The following SEL1L2 variants were observed in gnomAD, a reference collection of about 807,000 sequenced individuals.
SEL1L2 encodes the protein protein sel-1 homolog 2.
In SEL1L2, 89 loss-of-function variants were observed where a neutral mutation model predicts 98.8. The ratio of observed to expected loss-of-function variants is 0.90; its 90% CI spans 0.76 to 1.07. The LOEUF is 1.07. Ranked by LOEUF, SEL1L2 falls within the 50% of genes least tolerant of loss-of-function variation. The pLI, the probability that SEL1L2 is intolerant of heterozygous loss-of-function variation, is 0.00. For synonymous variants in SEL1L2, 262 were observed against 278.5 expected (o/e 0.94, Z 0.59); for missense variants, 788 against 812.0 (o/e 0.97, Z 0.36).
Position 13,901,724 on chromosome 20 carries a change from C to T in SEL1L2, c.549+12058G>A, listed in dbSNP as rs867443306. 7.6e-4 allele frequency among the ~76,000 whole-genome samples: 115 copies of T among 150,994 alleles called. 1 individual carries two copies. Among genetic ancestry groups the T allele is most frequent in the African/African-American group, 2.7e-3 (112 of 41,056 alleles). On this transcript the variant is annotated intron_variant, in intron 5 of 19. Coordinates refer to ENST00000284951, the MANE Select transcript of SEL1L2 (RefSeq NM_025229.2). ...TCGCCCAGGCTGGAGTGCATTGGCACGATCTCAGCTCACTGCAAGCTCTGC... is the reference window on the plus strand; with the variant it reads ...TCGCCCAGGCTGGAGTGCATTGGCATGATCTCAGCTCACTGCAAGCTCTGC...
chr20:13,940,561 G>A (rs1454336236), intron 2 of SEL1L2, among the ~76,000 whole-genome samples: 2 of 152,192 alleles, frequency 1.3e-5, no homozygotes, highest in African/African-American at 4.8e-5. Flanking sequence ...TGCGATCCTA[G>A]GAGACAAGCT....
intron 5 of SEL1L2, among the ~76,000 whole-genome samples, chr20:13,908,103 C>CTTTTTT (rs71188195): frequency 7.5e-5 from 2 of 26,746 alleles, no homozygotes; most frequent in African/African-American, 3.2e-4. Context: ...TTTCTTGGTT[C>CTTTTTT]TTTTTTTTTT....
At chr20:13,937,176 C>G (rs1199985801) in intron 2 of SEL1L2, among the ~76,000 whole-genome samples, 1 of 152,234 alleles carries the variant, frequency 6.6e-6, no homozygotes. Context: ...CCCCAAGACT[C>G]CTCAGTATCA....
chr20:13,850,101 G>C, intron 19 of SEL1L2, 90 bp downstream of exon 19: 1 of 1,482,366 alleles, frequency 6.7e-7, no homozygotes, highest in South Asian at 1.2e-5. Flanking sequence ...CAGTCCACAA[G>C]AGACTCCCTG....
At chr20:13,908,564 A>T (rs1162801654) in intron 5 of SEL1L2, among the ~76,000 whole-genome samples, 1 of 152,238 alleles carries the variant, frequency 6.6e-6, no homozygotes, top group Admixed American at 6.5e-5. Flanking sequence ...TGGATGAGAA[A>T]TGAGAAATAG....
At chr20:13,976,295 C>T (rs935924877) in intron 1 of SEL1L2, among the ~76,000 whole-genome samples, 6 of 151,946 alleles carry the variant, frequency 3.9e-5, no homozygotes, top group East Asian at 3.9e-4. Context: ...CCACAGCACC[C>T]GGACTGTTTT....
intron 2 of SEL1L2, among the ~76,000 whole-genome samples, chr20:13,938,361 A>G (rs6105192): frequency 0.99 from 150,494 of 152,302 alleles, 74,353 homozygotes; most frequent in East Asian, 1. Context: ...TTACAGGCGT[A>G]AGCCACTGCG....
chr20:13,970,797 A>C (rs1421829523), intron 1 of SEL1L2, among the ~76,000 whole-genome samples: 4 of 151,978 alleles, frequency 2.6e-5, no homozygotes, highest in African/African-American at 9.7e-5. Flanking sequence ...GTGCCATTGC[A>C]CTCCAGCCTG....
intron 5 of SEL1L2, among the ~76,000 whole-genome samples, chr20:13,891,663 CA>C (rs61545047): frequency 0.34 from 24,873 of 73,826 alleles, 2,251 homozygotes; most frequent in Non-Finnish European, 0.38. Flanking sequence ...AAGACTCCAT[CA>C]AAAAAAAAAA....
intron 2 of SEL1L2, among the ~76,000 whole-genome samples, chr20:13,947,086 C>T (rs1440262510): frequency 6.6e-6 from 1 of 151,346 alleles, no homozygotes; most frequent in Non-Finnish European, 1.5e-5. Context: ...CCCACTGAAA[C>T]CCCACCTTCA....
intron 1 of SEL1L2, among the ~76,000 whole-genome samples, chr20:13,973,890 A>T (rs909177012): frequency 2.0e-5 from 3 of 152,218 alleles, no homozygotes; most frequent in African/African-American, 7.2e-5. Flanking sequence ...ATGACCACAC[A>T]ATTTCTCAGA....
intron 18 of SEL1L2, among the ~76,000 whole-genome samples, chr20:13,854,723 C>T (rs1214016769): frequency 6.6e-6 from 1 of 152,106 alleles, no homozygotes; most frequent in Non-Finnish European, 1.5e-5. Context: ...AAGCAGAGTG[C>T]AATACCATGA....
chr20:13,964,606 C>G (rs896315229), intron 1 of SEL1L2, among the ~76,000 whole-genome samples: 1 of 152,032 alleles, frequency 6.6e-6, no homozygotes, highest in Non-Finnish European at 1.5e-5. Flanking sequence ...GCATGCACCA[C>G]CACCCCTGGC....
chr20:13,895,798 G>C (rs1177147377), intron 5 of SEL1L2, among the ~76,000 whole-genome samples: 1 of 152,220 alleles, frequency 6.6e-6, no homozygotes, highest in Non-Finnish European at 1.5e-5. Flanking sequence ...AAAGGAAGAA[G>C]TAAAATTATC....
At chr20:13,980,996 A>C (rs146603833) in intron 1 of SEL1L2, among the ~76,000 whole-genome samples, 1,636 of 152,328 alleles carry the variant, frequency 0.011, 36 homozygotes, top group East Asian at 0.075. Context: ...TAATCCCAGC[A>C]CTTTGAGAGG....
intron 5 of SEL1L2, among the ~76,000 whole-genome samples, chr20:13,893,160 C>T (rs1474374142): frequency 6.6e-6 from 1 of 152,150 alleles, no homozygotes; most frequent in Admixed American, 6.5e-5. Context: ...TCCCCTGATT[C>T]CCCTCCCCTG....
chr20:13,945,263 C>T (rs2049956516), intron 2 of SEL1L2, among the ~76,000 whole-genome samples: 1 of 152,150 alleles, frequency 6.6e-6, no homozygotes, highest in South Asian at 2.1e-4. Flanking sequence ...AAAACTTGAC[C>T]TGACCTTATG....
chr20:13,885,303 C>G (rs1447309638), intron 10 of SEL1L2, 44 bp downstream of exon 10: 4 of 1,323,220 alleles, frequency 3.0e-6, no homozygotes, highest in Non-Finnish European at 4.4e-6. Context: ...TCCCTCACCA[C>G]TACCTTCCCC....
Position 13,896,298 on chromosome 20 carries a change from C to T in SEL1L2, c.550-7786G>A, listed in dbSNP as rs764420683. ...CATCCTGGCCAACATGGTGAAACCCCGTCTCTATTAAAAATACAAAAATTA... is the reference window on the plus strand; with the variant it reads ...CATCCTGGCCAACATGGTGAAACCCTGTCTCTATTAAAAATACAAAAATTA... On this transcript the variant is annotated intron_variant, in intron 5 of 19. Transcript: ENST00000284951. Among the ~76,000 whole-genome samples the T allele has an allele frequency of 6.6e-4, 100 of 152,128 alleles. 1 individual carries two copies. Among genetic ancestry groups the T allele is most frequent in the East Asian group, 3.9e-4 (2 of 5,172 alleles).
Sources: gnomAD v4.1 joint callset for allele counts (sites outside exome capture counted in the v4.1 genomes callset) on GRCh38, gnomAD v4.1.1 for gene constraint, MANE v1.5 for transcripts, NCBI Gene and HGNC (gene_info 2026-07-23, HGNC 2026-07-21) for gene names.